MYH16: variants seen among roughly 807,000 people sequenced by gnomAD.
MYH16 encodes the protein putative uncharacterized protein MYH16.
chr7:99,284,582 CT>C (rs1188169229), intron 25 of MYH16, among the ~76,000 whole-genome samples: 6 of 151,984 alleles, frequency 3.9e-5, no homozygotes, highest in African/African-American at 1.4e-4. Flanking sequence ...GAGCAACACC[CT>C]GTCTCAAAAA....
At position 99,259,467 on chromosome 7, in the gene MYH16, A is replaced by T. The variant is rs533457619; in HGVS notation, n.1405-697A>T. ...CATCTTTTTTTATTTTTGTTTATTT[A>T]TTTTTTTTGAGACAGAGTTTCACAC... On this transcript the variant is annotated intron_variant and non_coding_transcript_variant, in intron 11 of 41. Transcript: ENST00000439784. Among the ~76,000 whole-genome samples, 570 of 151,266 alleles carry T rather than the reference A, an allele frequency of 3.8e-3. 3 individuals are homozygous for T. Among genetic ancestry groups the T allele is most frequent in the African/African-American group, 0.013 (531 of 41,224 alleles).
intron 32 of MYH16, among the ~76,000 whole-genome samples, chr7:99,292,943 G>C (rs1274640646): frequency 7.1e-6 from 1 of 141,560 alleles, no homozygotes; most frequent in Non-Finnish European, 1.5e-5. Context: ...CTGGATAACA[G>C]AGCAGGATCC....
At chr7:99,282,471 TTTTTTA>T (rs914128099) in intron 23 of MYH16, among the ~76,000 whole-genome samples, 1 of 120,662 alleles carries the variant, frequency 8.3e-6, no homozygotes, top group Non-Finnish European at 1.6e-5. Flanking sequence ...CATTTTATTT[TTTTTTA>T]TTTTTATTTT....
intron 17 of MYH16, among the ~76,000 whole-genome samples, chr7:99,266,251 C>A (rs1418879292): frequency 6.6e-6 from 1 of 152,212 alleles, no homozygotes; most frequent in Non-Finnish European, 1.5e-5. Context: ...CCATAACGTG[C>A]CTTTTATTGG....
chr7:99,275,758 A>C (rs1179028900), intron 20 of MYH16, among the ~76,000 whole-genome samples: 3 of 152,192 alleles, frequency 2.0e-5, no homozygotes, highest in Non-Finnish European at 2.9e-5. Flanking sequence ...GTTGAGACAA[A>C]ATCTTGCTCT....
At chr7:99,275,253 C>T (rs1016390361) in intron 20 of MYH16, among the ~76,000 whole-genome samples, 3 of 152,124 alleles carry the variant, frequency 2.0e-5, no homozygotes, top group Admixed American at 6.5e-5. Flanking sequence ...CCACCTCAGC[C>T]TCCCAAATGG....
chr7:99,261,828 A>T (rs1791940664), intron 13 of MYH16: 1 of 152,366 alleles, frequency 6.6e-6, no homozygotes. Context: ...TCCAAGGGAA[A>T]TATCCATTAG....
chr7:99,281,159 G>GC (rs1245900093), intron 23 of MYH16, among the ~76,000 whole-genome samples, 179 bp downstream of exon 5: 5 of 152,096 alleles, frequency 3.3e-5, no homozygotes, highest in African/African-American at 7.2e-5. Context: ...CATGGGTGTG[G>GC]CCCCCCCTTG....
chr7:99,266,183 G>A (rs1444122058), intron 17 of MYH16, among the ~76,000 whole-genome samples: 2 of 152,140 alleles, frequency 1.3e-5, no homozygotes, highest in Non-Finnish European at 2.9e-5. Flanking sequence ...TACTCCCACT[G>A]TGGCTCCCAG....
chr7:99,261,265 A>G (rs958313656), intron 12 of MYH16: 1 of 152,234 alleles, frequency 6.6e-6, no homozygotes, highest in Admixed American at 6.5e-5. Context: ...CTTAATGGCC[A>G]TGGTGTTTGA....
intron 39 of MYH16, among the ~76,000 whole-genome samples, chr7:99,304,076 G>A (rs1305003613): frequency 1.3e-5 from 2 of 152,126 alleles, no homozygotes; most frequent in Non-Finnish European, 1.5e-5. Flanking sequence ...TCACTTGATC[G>A]AAATCTCAGG....
At chr7:99,299,198 A>T (rs887107431) in intron 36 of MYH16, among the ~76,000 whole-genome samples, 1 of 152,198 alleles carries the variant, frequency 6.6e-6, no homozygotes, top group African/African-American at 2.4e-5. Context: ...GTGAGTTATG[A>T]TCACACTACT....
At chr7:99,260,633 A>C in intron 12 of MYH16, 1 of 225,868 alleles carries the variant, frequency 4.4e-6, no homozygotes, top group Non-Finnish European at 8.9e-6. Flanking sequence ...CAGAGATGGG[A>C]ACATTGAGGC....
intron 2 of MYH16, among the ~76,000 whole-genome samples, chr7:99,245,563 TG>T (rs1048933555): frequency 2.5e-4 from 38 of 152,208 alleles, no homozygotes; most frequent in African/African-American, 8.9e-4. Flanking sequence ...AGTCTCGCTC[TG>T]TTGCCCAGGC....
intron 19 of MYH16, among the ~76,000 whole-genome samples, chr7:99,271,898 T>C (rs972529485): frequency 1.3e-5 from 2 of 152,136 alleles, no homozygotes; most frequent in African/African-American, 4.8e-5. Context: ...GGTCTCCCTA[T>C]GTTGCCTAGG....
chr7:99,278,972 G>T (rs1361903260), intron 21 of MYH16, among the ~76,000 whole-genome samples: 1 of 152,154 alleles, frequency 6.6e-6, no homozygotes, highest in Non-Finnish European at 1.5e-5. Flanking sequence ...CAGGAGGAAT[G>T]CTTGAGCCCA....
chr7:99,248,174 T>C (rs1022534424), intron 3 of MYH16, among the ~76,000 whole-genome samples: 19 of 152,172 alleles, frequency 1.2e-4, no homozygotes, highest in Non-Finnish European at 4.4e-5. Context: ...GTGCAATAGC[T>C]CACTGCAACC....
chr7:99,294,145 GAGA>G (rs1792438022), exon 33 of MYH16: 2 of 455,278 alleles, frequency 4.4e-6, no homozygotes, highest in Non-Finnish European at 8.8e-6. Context: ...CATCGACTTG[GAGA>G]AGGTCAGAGA....
chr7:99,279,960 CT>C (rs1792179459), intron 22 of MYH16, among the ~76,000 whole-genome samples: 1 of 152,214 alleles, frequency 6.6e-6, no homozygotes, highest in African/African-American at 2.4e-5. Context: ...CAACCTCCCC[CT>C]CCCGGGTTCA....
Sources: gnomAD v4.1 joint callset for allele counts (sites outside exome capture counted in the v4.1 genomes callset) on GRCh38, gnomAD v4.1.1 for gene constraint, MANE v1.5 for transcripts, NCBI Gene and HGNC (gene_info 2026-07-23, HGNC 2026-07-21) for gene names.